KIAA1217: variants seen among roughly 807,000 people sequenced by gnomAD.
KIAA1217 encodes the protein KIAA1217.
A neutral mutation model predicts 163.9 loss-of-function variants in KIAA1217; 88 were observed. That is an observed-to-expected ratio of 0.54 (90% confidence interval 0.45 to 0.64). KIAA1217 has a LOEUF of 0.64. Ranked by LOEUF, KIAA1217 falls within the 30% of genes least tolerant of loss-of-function variation. The pLI, the probability that KIAA1217 is intolerant of heterozygous loss-of-function variation, is 0.00. For missense variants in KIAA1217, 2,372 were observed against 2,475.0 expected (o/e 0.96, Z 0.88); for synonymous variants, 903 against 923.1 (o/e 0.98, Z 0.39).
At chr10:24,421,810 G>T (rs1211344584) in intron 3 of KIAA1217, among the ~76,000 whole-genome samples, 1 of 152,150 alleles carries the variant, frequency 6.6e-6, no homozygotes, top group Non-Finnish European at 1.5e-5. Context: ...TTACATTCCT[G>T]AGATAAATTA....
At chr10:24,270,892 T>TC (rs2076710009) in intron 2 of KIAA1217, among the ~76,000 whole-genome samples, 2 of 152,114 alleles carry the variant, frequency 1.3e-5, no homozygotes, top group South Asian at 2.1e-4. Context: ...GTGGAATGTG[T>TC]CCCCCCACCT....
chr10:24,495,033 T>C, intron 7 of KIAA1217, 114 bp from the exon 8 acceptor site: 1 of 837,644 alleles, frequency 1.2e-6, no homozygotes, highest in Non-Finnish European at 1.9e-6. Context: ...AATACCTTCA[T>C]TGCTTAATCC....
chr10:23,767,872 G>A lies in KIAA1217; in HGVS notation c.-321+72638G>A, dbSNP rs562440186. On this transcript the variant is annotated intron_variant, in intron 1 of 18. Transcript: ENST00000376462. ...CCCCCATGCAAACCCAGAGCGTAGG[G>A]TGTAAGCTGAGAATCCAAGTAGGGC... 4.6e-5 allele frequency among the ~76,000 whole-genome samples: 7 copies of A among 152,300 alleles called. No individual in the cohort carries two copies. The East Asian group carries it at 1.2e-3, about 25-fold the overall frequency.
At chr10:24,110,381 A>C (rs2062800993) in intron 2 of KIAA1217, among the ~76,000 whole-genome samples, 1 of 152,152 alleles carries the variant, frequency 6.6e-6, no homozygotes, top group Non-Finnish European at 1.5e-5. Context: ...TTTTCAAAGG[A>C]GGCTGTGTGT....
intron 2 of KIAA1217, among the ~76,000 whole-genome samples, chr10:24,154,862 G>A (rs748505077): frequency 6.6e-6 from 1 of 151,604 alleles, no homozygotes; most frequent in Non-Finnish European, 1.5e-5. Flanking sequence ...GGGAGGCAAA[G>A]GTTGCAGTGA....
intron 2 of KIAA1217, among the ~76,000 whole-genome samples, chr10:24,073,359 G>A (rs115162234): frequency 0.014 from 2,177 of 152,180 alleles, 53 homozygotes; most frequent in African/African-American, 0.05. Context: ...CCTATTTGGA[G>A]GAAGGCACTA....
chr10:23,873,779 A>T (rs1840568190), intron 1 of KIAA1217, among the ~76,000 whole-genome samples: 1 of 151,988 alleles, frequency 6.6e-6, no homozygotes, highest in Non-Finnish European at 1.5e-5. Context: ...CACTTTAGGT[A>T]AGTGCAGAGT....
At chr10:24,415,666 A>G (rs755324695) in intron 3 of KIAA1217, among the ~76,000 whole-genome samples, 1 of 151,942 alleles carries the variant, frequency 6.6e-6, no homozygotes, top group Non-Finnish European at 1.5e-5. Flanking sequence ...TGAGACTCAC[A>G]CACTCTTGCA....
At chr10:24,392,643 A>G (rs1417868003) in intron 3 of KIAA1217, among the ~76,000 whole-genome samples, 1 of 152,212 alleles carries the variant, frequency 6.6e-6, no homozygotes, top group African/African-American at 2.4e-5. Flanking sequence ...CATTTCTCCC[A>G]CAGTGACAAA....
At chr10:24,304,799 G>C (rs915112571) in intron 2 of KIAA1217, among the ~76,000 whole-genome samples, 2 of 152,156 alleles carry the variant, frequency 1.3e-5, no homozygotes, top group African/African-American at 2.4e-5. Context: ...AAGCTATGTA[G>C]CCTCTACAAG....
At chr10:23,753,631 A>T (rs899565192) in intron 1 of KIAA1217, among the ~76,000 whole-genome samples, 4 of 152,214 alleles carry the variant, frequency 2.6e-5, no homozygotes, top group East Asian at 1.9e-4. Context: ...AGCAAGAGTT[A>T]TCCAGACTTC....
intron 2 of KIAA1217, among the ~76,000 whole-genome samples, chr10:24,309,337 C>T (rs945945404): frequency 7.8e-5 from 7 of 90,172 alleles, no homozygotes; most frequent in East Asian, 4.0e-4. Context: ...AATAGGCGCG[C>T]GCACGCGCGC....
In KIAA1217 at chr10:24,066,414, C is replaced by G. The variant is rs899647753; in HGVS notation, c.-171+59040C>G. 4.6e-5 allele frequency among the ~76,000 whole-genome samples: 7 copies of G among 152,144 alleles called. No homozygotes were observed. The East Asian group carries it at 1.2e-3, about 25-fold the overall frequency. ...CCTGCACTTATGAAGCTTAGTTTGG[C>G]TGGATATGAAATTCTGGGTTGAAAA... On this transcript the variant is annotated intron_variant, in intron 2 of 18. Coordinates refer to the KIAA1217 transcript ENST00000376462.
At chr10:23,790,704 C>CATTAT (rs1554795364) in intron 1 of KIAA1217, among the ~76,000 whole-genome samples, 13 of 125,368 alleles carry the variant, frequency 1.0e-4, no homozygotes, top group African/African-American at 4.5e-4. Flanking sequence ...TATACACACA[C>CATTAT]ATATATATAT....
chr10:24,003,281 A>G (rs1192948622), intron 1 of KIAA1217, among the ~76,000 whole-genome samples: 1 of 152,182 alleles, frequency 6.6e-6, no homozygotes, highest in Non-Finnish European at 1.5e-5. Context: ...TAGCAGCATA[A>G]AAGTGTCCCC....
chr10:24,245,413 G>A (rs1437596939), intron 2 of KIAA1217, among the ~76,000 whole-genome samples: 1 of 152,208 alleles, frequency 6.6e-6, no homozygotes, highest in Non-Finnish European at 1.5e-5. Flanking sequence ...GTTGGCTGCA[G>A]TGTGACACTG....
intron 2 of KIAA1217, among the ~76,000 whole-genome samples, chr10:24,021,947 T>C (rs1412366923): frequency 1.3e-5 from 2 of 151,566 alleles, no homozygotes; most frequent in Non-Finnish European, 3.0e-5. Context: ...ACTCAACAGA[T>C]CCTACACCTA....
At chr10:24,271,161 G>A (rs2076735648) in intron 2 of KIAA1217, among the ~76,000 whole-genome samples, 1 of 152,066 alleles carries the variant, frequency 6.6e-6, no homozygotes, top group Non-Finnish European at 1.5e-5. Context: ...TGGCATCAAA[G>A]TTATTTTTCT....
intron 5 of KIAA1217, among the ~76,000 whole-genome samples, chr10:24,444,531 T>C (rs2060765050): frequency 6.6e-6 from 1 of 152,174 alleles, no homozygotes; most frequent in Non-Finnish European, 1.5e-5. Flanking sequence ...TATGTGATGA[T>C]TCATCTTCAC....
Sources: allele counts gnomAD v4.1 joint callset (sites outside exome capture counted in the v4.1 genomes callset), GRCh38; gene constraint gnomAD v4.1.1; transcripts MANE v1.5; gene names NCBI Gene and HGNC (gene_info 2026-07-23, HGNC 2026-07-21).